The following PCLO variants were observed in gnomAD, a reference collection of about 807,000 sequenced individuals.
PCLO encodes the protein piccolo presynaptic cytomatrix protein.
A neutral mutation model predicts 427.5 loss-of-function variants in PCLO; 82 were observed. The observed-to-expected ratio is 0.19, with a 90% CI of 0.16 to 0.23. The LOEUF is 0.23. PCLO is among the 10% of genes least tolerant of loss of function. The pLI is 1.00. For missense variants in PCLO, 6,239 were observed against 6,115.9 expected, an observed-to-expected ratio of 1.02 and a Z score of -0.67; for synonymous variants, 2,357 against 2,155.4, an observed-to-expected ratio of 1.09 and a Z score of -2.59.
In PCLO at chr7:82,845,298, C is replaced by T. The variant is rs770627793; in HGVS notation, c.14019G>A (p.Val4673=). The change falls in exon 13 of 25, where the codon GTG becomes GTA. Residue 4673 remains valine (V), a synonymous_variant. Coordinates refer to ENST00000333891, the MANE Select transcript of PCLO (RefSeq NM_033026.6). The part of the protein sequence containing the change: ...PSPGQPGSPS[V]SKKKHGSSKP... ...TGCTGCTGCCGTGCTTCTTTTTGCT[C>T]ACTGAGGGGGACCCTGGTTGCCCAG... The T allele has an allele frequency of 4.8e-5, 78 of 1,613,254 alleles. No homozygotes were observed. The highest frequency in any genetic ancestry group is 6.6e-5 in the Non-Finnish European group (78 of 1,179,604).
intron 2 of PCLO, among the ~76,000 whole-genome samples, chr7:83,144,103 A>G (rs1038378209): frequency 6.6e-6 from 1 of 152,210 alleles, no homozygotes; most frequent in African/African-American, 2.4e-5. Context: ...TGTTGACTTA[A>G]GAAGGAAATA....
intron 3 of PCLO, among the ~76,000 whole-genome samples, chr7:83,008,706 G>A (rs990984720): frequency 6.6e-6 from 1 of 151,608 alleles, no homozygotes; most frequent in Non-Finnish European, 1.5e-5. Flanking sequence ...TGTATAATAG[G>A]TTGACTCAGA....
intron 22 of PCLO, among the ~76,000 whole-genome samples, chr7:82,790,817 AG>A (rs1358949684): frequency 6.6e-6 from 1 of 152,222 alleles, no homozygotes; most frequent in African/African-American, 2.4e-5. Flanking sequence ...GTTCAGTTTT[AG>A]GGTGGTAAAC....
intron 4 of PCLO, among the ~76,000 whole-genome samples, chr7:82,963,571 C>T (rs779653505): frequency 2.0e-5 from 3 of 151,928 alleles, no homozygotes; most frequent in Non-Finnish European, 2.9e-5. Context: ...TAAAACTGAA[C>T]ATCCAAGCAT....
chr7:82,822,645 T>C lies in PCLO; in HGVS notation c.14641A>G (p.Ser4881Gly). The stretch of plus-strand genomic sequence containing the variant: ...TGGCCTTCTGATGATGATTTTGAGC[T>C]ACCAGGACTACTATGGGATTTCTCA... ...TIEKSHSSPG[S>G]SKSSSEGHLR... The change falls in exon 20 of 25, where the codon AGC becomes GGC. Residue 4881 changes from serine (S) to glycine (G), a missense_variant. This residue lies in a region of PCLO where 877 missense variants were observed against 925.5 expected (regional missense o/e 0.95). Transcript: ENST00000333891. 6.2e-7 allele frequency: 1 copy of C among 1,613,720 alleles called. No individual in the cohort carries two copies. The highest frequency in any genetic ancestry group is 1.3e-5 in the African/African-American group (1 of 75,048).
At chr7:82,781,464 A>G (rs1238219897) in intron 22 of PCLO, among the ~76,000 whole-genome samples, 2 of 48,336 alleles carry the variant, frequency 4.1e-5, no homozygotes, top group African/African-American at 1.5e-4. Flanking sequence ...CCACCCCCCA[A>G]CAGGCCCTGA....
At chr7:83,109,545 C>G (rs1186903117) in intron 3 of PCLO, among the ~76,000 whole-genome samples, 1 of 152,128 alleles carries the variant, frequency 6.6e-6, no homozygotes, top group East Asian at 1.9e-4. Flanking sequence ...TAAAACGTAT[C>G]AGCTCCAATG....
At chr7:83,002,040 T>A (rs1023844162) in intron 3 of PCLO, among the ~76,000 whole-genome samples, 7 of 152,006 alleles carry the variant, frequency 4.6e-5, no homozygotes, top group African/African-American at 1.7e-4. Context: ...GATTTCTTTT[T>A]AATTCTCTTT....
At chr7:82,832,721 T>C (rs1414369326) in intron 16 of PCLO, among the ~76,000 whole-genome samples, 1 of 152,014 alleles carries the variant, frequency 6.6e-6, no homozygotes, top group Admixed American at 6.6e-5. Flanking sequence ...CTTTGGTGTA[T>C]CTACTTTCAT....
At position 82,827,886 on chromosome 7, in the gene PCLO, A is replaced by T. The variant is rs550482063; in HGVS notation, c.14330T>A (p.Ile4777Asn). The T allele has an allele frequency of 1.3e-6, 2 of 1,567,926 alleles. No homozygotes were observed. The highest frequency in any genetic ancestry group is 8.8e-7 in the Non-Finnish European group (1 of 1,140,584). ...ATCTTGACATACCTGTTCCATGGAA[A>T]TACTTTTATAAATTACTGTTTGATT... The part of the protein sequence containing the change: ...EWNQTVIYKS[I>N]SMEQLKKKTL... The change falls in exon 17 of 25, where the codon ATT (isoleucine) becomes AAT (asparagine). Residue 4777 changes from isoleucine to asparagine, a missense_variant. By Grantham distance (149) the Ile-to-Asn change is moderately radical (BLOSUM62 -3). This residue lies in a region of PCLO where 877 missense variants were observed against 925.5 expected (regional missense o/e 0.95). Transcript: ENST00000333891.
At chr7:83,003,807 T>G (rs186283100) in intron 3 of PCLO, among the ~76,000 whole-genome samples, 60 of 151,940 alleles carry the variant, frequency 3.9e-4, no homozygotes, top group African/African-American at 1.4e-3. Flanking sequence ...AGTTTTCTTT[T>G]CTTGTAACAT....
intron 22 of PCLO, among the ~76,000 whole-genome samples, chr7:82,765,315 T>C (rs1182974038): frequency 1.3e-5 from 2 of 151,528 alleles, no homozygotes; most frequent in East Asian, 1.9e-4. Context: ...AAAAATACAA[T>C]TGGTTTAAAT....
Position 82,885,656 on chromosome 7 carries a change from T to C in PCLO, c.13529-6194A>G, listed in dbSNP as rs75082790. Among the ~76,000 whole-genome samples, 814 of 152,156 alleles carry C rather than the reference T, an allele frequency of 5.3e-3. 10 individuals carry two copies. Among genetic ancestry groups the C allele is most frequent in the African/African-American group, 0.018 (768 of 41,524 alleles). The stretch of plus-strand genomic sequence containing the variant: ...TGTGTTATAGTAGATACAGCAATGA[T>C]TGAGCAGTGATAGAGGGTAGGGATG... On this transcript the variant is annotated intron_variant, in intron 9 of 24. Coordinates refer to ENST00000333891, the MANE Select transcript of PCLO (RefSeq NM_033026.6).
chr7:82,957,628 T>A (rs991462892), intron 4 of PCLO, among the ~76,000 whole-genome samples: 1 of 152,192 alleles, frequency 6.6e-6, no homozygotes, highest in Non-Finnish European at 1.5e-5. Context: ...TTTGAAAAAG[T>A]TATACAATAA....
intron 3 of PCLO, among the ~76,000 whole-genome samples, chr7:83,066,939 C>T (rs533836418): frequency 6.6e-6 from 1 of 152,190 alleles, no homozygotes; most frequent in East Asian, 1.9e-4. Flanking sequence ...TTGAAATGTT[C>T]CAAAATCCCA....
chr7:82,870,750 AC>A (rs1324095944), intron 10 of PCLO, among the ~76,000 whole-genome samples: 2 of 151,922 alleles, frequency 1.3e-5, no homozygotes, highest in African/African-American at 4.8e-5. Context: ...AGCAAAAAAA[AC>A]CCCAAATAAT....
intron 3 of PCLO, among the ~76,000 whole-genome samples, chr7:82,984,352 C>A (rs554412438): frequency 2.7e-5 from 4 of 150,844 alleles, no homozygotes; most frequent in East Asian, 1.9e-4. Context: ...GATTTTAATT[C>A]TCTTATGGTA....
In PCLO at chr7:82,909,781, T is replaced by C. The variant is rs145725452; in HGVS notation, c.13301-768A>G. On this transcript the variant is annotated intron_variant, in intron 7 of 24. Coordinates refer to ENST00000333891, the MANE Select transcript of PCLO (RefSeq NM_033026.6). ...ATTAAAAATACCTCTATTGTAATTG[T>C]TAAATAAAAATAAAATGATTATTTT... Among the ~76,000 whole-genome samples, 457 of 152,206 alleles carry C rather than the reference T, an allele frequency of 3.0e-3. 4 individuals are homozygous for C. Among genetic ancestry groups the C allele is most frequent in the Non-Finnish European group, 5.1e-3 (348 of 68,000 alleles).
In PCLO at chr7:82,799,911, C is replaced by T. The variant is rs138985537; in HGVS notation, c.15007+1607G>A. Among the ~76,000 whole-genome samples the T allele has an allele frequency of 1.8e-3, 268 of 152,232 alleles. 1 individual carries two copies. Among genetic ancestry groups the T allele is most frequent in the African/African-American group, 6.1e-3 (255 of 41,542 alleles). Reference sequence around the variant, plus strand: ...TCTTTCACGAGTATATCATCAATTGCTAGTCATTTGTTTCCTCTATTTCAA... The same window carrying T: ...TCTTTCACGAGTATATCATCAATTGTTAGTCATTTGTTTCCTCTATTTCAA... On this transcript the variant is annotated intron_variant, in intron 22 of 24. Transcript: ENST00000333891.
Sources: gnomAD v4.1 joint callset for allele counts (sites outside exome capture counted in the v4.1 genomes callset) on GRCh38, gnomAD v4.1.1 for gene constraint, gnomAD v4.1.1 regional missense constraint, MANE v1.5 for transcripts, NCBI Gene and HGNC (gene_info 2026-07-23, HGNC 2026-07-21) for gene names.